SYNJ2: variants seen among roughly 807,000 people sequenced by gnomAD.
SYNJ2 encodes the protein synaptojanin 2.
In SYNJ2, 116 loss-of-function variants were observed where a neutral mutation model predicts 141.3. The ratio of observed to expected loss-of-function variants is 0.82; its 90% CI spans 0.71 to 0.96. The LOEUF is 0.96. SYNJ2 is among the 40% of genes least tolerant of loss of function. SYNJ2 has a pLI of 0.00. For missense variants in SYNJ2, 1,873 were observed against 1,934.8 expected (o/e 0.97, Z 0.60); for synonymous variants, 745 against 777.7 (o/e 0.96, Z 0.70).
Position 158,088,696 on chromosome 6 carries a change from C to G in SYNJ2, c.3380C>G (p.Ser1127Cys). ...GTGAAAAAGTCGGCTTCAGATGCGT[C>G]CATCTCCTCCGGCACCCATGGACAG... ...LMVKKSASDASISSGTHGQYS... is the reference protein window; with the variant it reads ...LMVKKSASDACISSGTHGQYS... Residue 1127 changes from serine to cysteine, a missense_variant, in exon 24 of 27, where the codon TCC (serine) becomes TGC (cysteine). Physicochemically the swap from Ser to Cys is moderately radical, Grantham distance 112. Transcript: ENST00000355585. 1.2e-6 allele frequency: 2 copies of G among 1,614,072 alleles called. No individual in the cohort carries two copies. The highest frequency in any genetic ancestry group is 1.7e-6 in the Non-Finnish European group (2 of 1,179,990).
intron 5 of SYNJ2, among the ~76,000 whole-genome samples, chr6:158,052,825 A>G (rs551264672): frequency 6.6e-6 from 1 of 152,322 alleles, no homozygotes; most frequent in African/African-American, 2.4e-5. Context: ...TCTCCTACAT[A>G]TAGTATAGGT....
intron 26 of SYNJ2, among the ~76,000 whole-genome samples, chr6:158,094,524 A>G (rs1159042663): frequency 2.0e-5 from 3 of 152,198 alleles, no homozygotes; most frequent in South Asian, 4.1e-4. Context: ...ACTAGGGTGA[A>G]GTGGAAAATC....
intron 26 of SYNJ2, chr6:158,094,112 CTT>C (rs996646858): frequency 1.2e-5 from 8 of 655,010 alleles, no homozygotes; most frequent in Non-Finnish European, 1.9e-5. Context: ...CGGCTTCACT[CTT>C]GACAGCGCTT....
chr6:157,992,669 A>AT (rs1409908955), intron 1 of SYNJ2, among the ~76,000 whole-genome samples: 6 of 152,254 alleles, frequency 3.9e-5, no homozygotes, highest in African/African-American at 1.4e-4. Flanking sequence ...AAGTGCTGGG[A>AT]TTACAGGTGT....
At chr6:158,059,384 G>A in intron 7 of SYNJ2, 31 bp downstream of exon 7, 1 of 1,547,466 alleles carries the variant, frequency 6.5e-7, no homozygotes, top group Middle Eastern at 1.7e-4. Context: ...CCACAGCTGG[G>A]CTGGGCGGCA....
At chr6:158,087,346 C>T (rs929999806) in intron 23 of SYNJ2, among the ~76,000 whole-genome samples, 4 of 152,218 alleles carry the variant, frequency 2.6e-5, no homozygotes, top group Non-Finnish European at 5.9e-5. Context: ...GCTGCGCAGT[C>T]CTCCCTCTAC....
chr6:158,030,252 A>C (rs1207013724), intron 3 of SYNJ2, among the ~76,000 whole-genome samples: 1 of 152,202 alleles, frequency 6.6e-6, no homozygotes, highest in African/African-American at 2.4e-5. Flanking sequence ...AAAAGTGAGG[A>C]AAGTCCTGCC....
intron 4 of SYNJ2, among the ~76,000 whole-genome samples, chr6:158,033,984 C>T (rs921898848): frequency 6.6e-6 from 1 of 152,178 alleles, no homozygotes; most frequent in Non-Finnish European, 1.5e-5. Context: ...GGCAGTATTC[C>T]AAGGGCAGCT....
At chr6:158,067,163 C>T (rs1346502086) in intron 12 of SYNJ2, among the ~76,000 whole-genome samples, 4 of 152,166 alleles carry the variant, frequency 2.6e-5, no homozygotes, top group Non-Finnish European at 5.9e-5. Context: ...GGATTACAGG[C>T]GCCCACCACC....
In SYNJ2 at chr6:158,084,224, G is replaced by A. The variant is rs1266401352; in HGVS notation, c.3208+50G>A. The A allele has an allele frequency of 3.2e-6, 5 of 1,571,580 alleles. No homozygotes were observed. In the East Asian group the frequency reaches 1.1e-4, roughly 35 times the overall value. The stretch of plus-strand genomic sequence containing the variant: ...GAGCCTCAGCGATGGAGTCAGCTCA[G>A]GACAGACTTTCCTTTTTCTCTTGGC... On this transcript the variant is annotated intron_variant, in intron 22 of 26. Coordinates refer to ENST00000355585, the MANE Select transcript of SYNJ2 (RefSeq NM_003898.4). The surrounding 1 kb of genome is among the most constrained non-coding windows in gnomAD (Gnocchi z 5.0).
At chr6:158,049,498 C>T (rs1780438810) in intron 5 of SYNJ2, among the ~76,000 whole-genome samples, 1 of 152,184 alleles carries the variant, frequency 6.6e-6, no homozygotes, top group African/African-American at 2.4e-5. Context: ...GCCCAGCTCC[C>T]CTCCACTTTT....
chr6:158,052,812 T>C (rs992457068), intron 5 of SYNJ2, among the ~76,000 whole-genome samples: 8 of 152,234 alleles, frequency 5.3e-5, no homozygotes, highest in South Asian at 2.1e-4. Flanking sequence ...GTGCAAAATA[T>C]ACTCTCCTAC....
At chr6:158,074,923 C>CTCTTTTT (rs1464553095) in intron 16 of SYNJ2, among the ~76,000 whole-genome samples, 185 bp downstream of exon 16, 1 of 144,270 alleles carries the variant, frequency 6.9e-6, no homozygotes. Flanking sequence ...ACTTCCTGTC[C>CTCTTTTT]TTTTTTTTTT....
At chr6:158,058,693 G>A (rs1781020637) in intron 6 of SYNJ2, among the ~76,000 whole-genome samples, 1 of 152,234 alleles carries the variant, frequency 6.6e-6, no homozygotes, top group African/African-American at 2.4e-5. Context: ...TTGGGACGCT[G>A]AGGTGGGAAG....
At chr6:158,007,066 G>A (rs1278360543) in intron 1 of SYNJ2, among the ~76,000 whole-genome samples, 1 of 151,944 alleles carries the variant, frequency 6.6e-6, no homozygotes, top group African/African-American at 2.4e-5. Flanking sequence ...CCCAGGTTCA[G>A]ATGATCCTCT....
intron 6 of SYNJ2, among the ~76,000 whole-genome samples, chr6:158,056,228 A>T (rs1780860830): frequency 6.6e-6 from 1 of 152,228 alleles, no homozygotes; most frequent in Non-Finnish European, 1.5e-5. Flanking sequence ...GCACATTTGC[A>T]TAGACTGCAG....
chr6:158,024,929 A>G (rs1583340624), intron 2 of SYNJ2, among the ~76,000 whole-genome samples: 1 of 152,202 alleles, frequency 6.6e-6, no homozygotes, highest in African/African-American at 2.4e-5. Context: ...TTTAGAATAC[A>G]CTGCACAATA....
At chr6:158,054,063 C>T (rs1384381239) in intron 5 of SYNJ2, among the ~76,000 whole-genome samples, 3 of 148,802 alleles carry the variant, frequency 2.0e-5, no homozygotes, top group African/African-American at 7.5e-5. Context: ...TCCATCCACC[C>T]ATTATCCATC....
At chr6:158,064,557 T>G in intron 9 of SYNJ2, 44 bp from the exon 10 acceptor site, 1 of 1,605,172 alleles carries the variant, frequency 6.2e-7, no homozygotes. Flanking sequence ...CTGCAGGGCC[T>G]CTGTGGGAGA....
Sources: allele counts gnomAD v4.1 joint callset (sites outside exome capture counted in the v4.1 genomes callset), GRCh38; gene constraint gnomAD v4.1.1; non-coding constraint Gnocchi (gnomAD v3.1); transcripts MANE v1.5; gene names NCBI Gene and HGNC (gene_info 2026-07-23, HGNC 2026-07-21).